The following FBXO40 variants were observed in gnomAD, a reference collection of about 807,000 sequenced individuals.
FBXO40 encodes the protein F-box protein 40.
FBXO40 carries 50 observed loss-of-function variants against 49.9 expected under a neutral mutation model. The ratio of observed to expected loss-of-function variants is 1.00; its 90% confidence interval spans 0.80 to 1.27. The LOEUF is 1.27. Among genes scored for constraint, FBXO40 ranks in the 50% most tolerant of loss-of-function variants. The probability of loss-of-function intolerance (pLI) is 0.00; values close to 1 mark genes in which losing one functional copy is unlikely to be tolerated. For synonymous variants in FBXO40, 340 were observed against 320.2 expected, an observed-to-expected ratio of 1.06 and a Z score of -0.66; for missense variants, 895 against 870.1, an observed-to-expected ratio of 1.03 and a Z score of -0.36.
intron 1 of FBXO40, among the ~76,000 whole-genome samples, chr3:121,608,569 G>T (rs1371793399): frequency 2.0e-5 from 3 of 152,180 alleles, no homozygotes; most frequent in African/African-American, 7.2e-5. Flanking sequence ...AGAACTTCAA[G>T]AATTATGTCT....
chr3:121,598,956 A>AC (rs2048886680), intron 1 of FBXO40, among the ~76,000 whole-genome samples: 1 of 152,110 alleles, frequency 6.6e-6, no homozygotes, highest in Non-Finnish European at 1.5e-5. Context: ...TGGTCCTTCC[A>AC]CCAGCCTATG....
At chr3:121,620,693 A>C in intron 2 of FBXO40, 115 bp downstream of exon 2, 1 of 1,340,840 alleles carries the variant, frequency 7.5e-7, no homozygotes, top group Non-Finnish European at 1.1e-6. Flanking sequence ...GATATTTATC[A>C]ACTTTTTTCC....
chr3:121,611,333 A>G (rs1173941382), intron 1 of FBXO40, among the ~76,000 whole-genome samples: 1 of 152,222 alleles, frequency 6.6e-6, no homozygotes, highest in Non-Finnish European at 1.5e-5. Context: ...GTAGGAGGGC[A>G]AGGTGATAAT....
At chr3:121,598,711 T>A (rs559621903) in intron 1 of FBXO40, among the ~76,000 whole-genome samples, 76 of 152,120 alleles carry the variant, frequency 5.0e-4, no homozygotes, top group Non-Finnish European at 9.4e-4. Context: ...ATTTGCCCAC[T>A]CCTTTTCCAG....
intron 1 of FBXO40, among the ~76,000 whole-genome samples, chr3:121,595,352 G>T (rs2048866584): frequency 6.6e-6 from 1 of 152,136 alleles, no homozygotes; most frequent in Non-Finnish European, 1.5e-5. Flanking sequence ...TGAAACTAGG[G>T]TGTGTTGGCT....
rs1560132791 is a variant in FBXO40 at position 121,622,526 on chromosome 3, C to T, written c.1097C>T (p.Ala366Val). ...GGAAAGCGAGCTCGACTTGGAGATG[C>T]CATGTTGAGTTGTAAGCCAAGTGAA... ...YCGKRARLGDAMLSCKPSEHK... is the reference protein window; with the variant it reads ...YCGKRARLGDVMLSCKPSEHK... Residue 366 changes from alanine (A) to valine (V), a missense_variant, in exon 3 of 4, where the codon GCC (alanine) becomes GTC (valine). Coordinates refer to ENST00000338040, the MANE Select transcript of FBXO40 (RefSeq NM_016298.4). 1 of 1,614,188 alleles carries T rather than the reference C, an allele frequency of 6.2e-7. No homozygotes were observed. The highest frequency in any genetic ancestry group is 8.5e-7 in the Non-Finnish European group (1 of 1,180,034).
chr3:121,610,431 C>T (rs1194878765), intron 1 of FBXO40, among the ~76,000 whole-genome samples: 1 of 152,166 alleles, frequency 6.6e-6, no homozygotes, highest in Non-Finnish European at 1.5e-5. Context: ...CCTGGCAATG[C>T]CTGTCCCTCC....
At chr3:121,595,831 G>A (rs1304190941) in intron 1 of FBXO40, among the ~76,000 whole-genome samples, 2 of 152,274 alleles carry the variant, frequency 1.3e-5, no homozygotes, top group Non-Finnish European at 2.9e-5. Context: ...CTGGTTAACA[G>A]GTTAAGAGTT....
intron 1 of FBXO40, among the ~76,000 whole-genome samples, chr3:121,594,165 G>C (rs1313617347): frequency 1.3e-5 from 2 of 150,248 alleles, no homozygotes; most frequent in African/African-American, 4.9e-5. Flanking sequence ...ACTGTGCCTG[G>C]CCCAGAATTT....
chr3:121,620,675 G>T, intron 2 of FBXO40, 97 bp downstream of exon 2: 1 of 1,450,278 alleles, frequency 6.9e-7, no homozygotes, highest in South Asian at 1.2e-5. Context: ...TTGCTCTTAT[G>T]GTTTGATGAT....
intron 3 of FBXO40, among the ~76,000 whole-genome samples, chr3:121,625,158 A>G (rs2049054685): frequency 6.6e-6 from 1 of 152,168 alleles, no homozygotes; most frequent in Admixed American, 6.5e-5. Flanking sequence ...CCAGTAGGTC[A>G]TGTTTGTTTA....
At chr3:121,607,950 A>G (rs2048940606) in intron 1 of FBXO40, among the ~76,000 whole-genome samples, 1 of 152,224 alleles carries the variant, frequency 6.6e-6, no homozygotes, top group East Asian at 1.9e-4. Flanking sequence ...ACTATTTTAC[A>G]CTGATTGGCA....
intron 1 of FBXO40, among the ~76,000 whole-genome samples, chr3:121,604,698 T>C (rs2048921917): frequency 6.6e-6 from 1 of 152,242 alleles, no homozygotes; most frequent in African/African-American, 2.4e-5. Flanking sequence ...AGTCAGAGTA[T>C]CTAATGACAT....
At chr3:121,614,083 A>G (rs1016111419) in intron 1 of FBXO40, among the ~76,000 whole-genome samples, 1 of 152,172 alleles carries the variant, frequency 6.6e-6, no homozygotes, top group African/African-American at 2.4e-5. Context: ...TCTGGCCAAC[A>G]TGGTGAAACC....
intron 3 of FBXO40, among the ~76,000 whole-genome samples, chr3:121,624,389 C>G (rs755845128): frequency 1.3e-5 from 2 of 152,138 alleles, no homozygotes; most frequent in Non-Finnish European, 2.9e-5. Flanking sequence ...AAAGACAGAC[C>G]TATAAATACA....
At chr3:121,597,642 T>C (rs1401973399) in intron 1 of FBXO40, among the ~76,000 whole-genome samples, 1 of 148,358 alleles carries the variant, frequency 6.7e-6, no homozygotes, top group Non-Finnish European at 1.5e-5. Context: ...GCAACCCTAT[T>C]GGTTATTATA....
Position 121,622,720 on chromosome 3 carries a change from T to C in FBXO40, c.1291T>C (p.Tyr431His), listed in dbSNP as rs1259316670. 2 of 1,614,022 alleles carry C rather than the reference T, an allele frequency of 1.2e-6. No homozygotes were observed. Among genetic ancestry groups the C allele is most frequent in the Non-Finnish European group, 8.5e-7 (1 of 1,180,030 alleles). Residue 431 changes from tyrosine (Y) to histidine (H), a missense_variant, in exon 3 of 4, where the codon TAC (tyrosine) becomes CAC (histidine). Tyr to His is a moderately conservative substitution (Grantham distance 83). Transcript: ENST00000338040. ...GLFMDFATQT[Y>H]NFEPEQFSSG... ...GTTCATGGATTTTGCCACACAAACA[T>C]ACAACTTTGAGCCAGAACAGTTTTC...
chr3:121,622,427 A>ACTT lies in FBXO40; in HGVS notation c.999_1001dup (p.Phe334dup). The ACTT allele has an allele frequency of 6.2e-7, 1 of 1,614,114 alleles. No individual in the cohort carries two copies. The highest frequency in any genetic ancestry group is 1.1e-5 in the South Asian group (1 of 91,072). ...CCTGCTTGTACACCCAAGGAGAGAG[A>ACTT]CTTTGTTTATGGCAAGCTGGAGGCT... On this transcript the variant is annotated inframe_insertion, in exon 3 of 4. Transcript: ENST00000338040.
Position 121,629,436 on chromosome 3 carries a change from G to T in FBXO40, c.*2526G>T, listed in dbSNP as rs1031571433. 6.6e-6 allele frequency: 1 copy of T among 152,170 alleles called. No homozygotes were observed. The allele number at this position is 152,170 out of a possible 1,614,324, so 9.4% of individuals were successfully genotyped here. ...TGAATCTAGTCCTTCCTACATGGAGGATAAAAGCTCCTAAAGTCCACTCTG... is the reference window on the plus strand; with the variant it reads ...TGAATCTAGTCCTTCCTACATGGAGTATAAAAGCTCCTAAAGTCCACTCTG... On this transcript the variant is annotated 3_prime_UTR_variant, in exon 4 of 4. Coordinates refer to ENST00000338040, the MANE Select transcript of FBXO40 (RefSeq NM_016298.4).
Sources: allele counts gnomAD v4.1 joint callset (sites outside exome capture counted in the v4.1 genomes callset), GRCh38; gene constraint gnomAD v4.1.1; transcripts MANE v1.5; gene names NCBI Gene and HGNC (gene_info 2026-07-23, HGNC 2026-07-21).